Variants in TSHZ2 observed in about 807,000 individuals in gnomAD.
TSHZ2 encodes teashirt homolog 2.
TSHZ2 carries 21 observed loss-of-function variants against 74.4 expected under a neutral mutation model. That is an observed-to-expected ratio of 0.28 (90% CI 0.20 to 0.41). The LOEUF (loss-of-function observed/expected upper bound fraction) is 0.41, where lower values mean the gene tolerates loss of function less well. Ranked by LOEUF, TSHZ2 falls within the 10% of genes least tolerant of loss-of-function variation. TSHZ2 has a pLI of 1.00. For missense variants in TSHZ2, 1,244 were observed against 1,293.5 expected, an observed-to-expected ratio of 0.96 and a Z score of 0.59; for synonymous variants, 540 against 515.3, an observed-to-expected ratio of 1.05 and a Z score of -0.65.
At chr20:53,241,383 A>G (rs1990066767) in intron 1 of TSHZ2, among the ~76,000 whole-genome samples, 1 of 152,194 alleles carries the variant, frequency 6.6e-6, no homozygotes, top group Non-Finnish European at 1.5e-5. Flanking sequence ...TTAAGAACTG[A>G]AATAGGTCAG....
In TSHZ2 at chr20:53,256,226, A is replaced by G. The variant is rs781729711; in HGVS notation, c.2768A>G (p.His923Arg). 1 of 1,613,590 alleles carries G rather than the reference A, an allele frequency of 6.2e-7. No individual in the cohort carries two copies. Among genetic ancestry groups the G allele is most frequent in the African/African-American group, 1.3e-5 (1 of 74,908 alleles). ...TTTCTGAAAAACATGGACAAAGGCC[A>G]CCCCATCTTTTATTGCAGTGACTGT... ...TKFLKNMDKG[H>R]PIFYCSDCAS... Residue 923 changes from histidine to arginine, a missense_variant, in exon 2 of 3, where the codon CAC (histidine) becomes CGC (arginine). His to Arg is a conservative substitution (Grantham distance 29). Transcript: ENST00000371497. The surrounding 1 kb of genome is among the most constrained non-coding windows in gnomAD (Gnocchi z 4.3).
chr20:53,330,471 T>A (rs1225640069), intron 2 of TSHZ2, among the ~76,000 whole-genome samples: 3 of 152,174 alleles, frequency 2.0e-5, no homozygotes, highest in African/African-American at 7.2e-5. Context: ...GAAAGAAACG[T>A]GAATACGGTT....
intron 2 of TSHZ2, chr20:53,461,325 T>C (rs1481353212): frequency 6.5e-6 from 1 of 153,182 alleles, no homozygotes; most frequent in Non-Finnish European, 1.5e-5. Flanking sequence ...GTCACCCTTT[T>C]CTTTGATTAG....
At chr20:53,372,380 G>C (rs1310597551) in intron 2 of TSHZ2, among the ~76,000 whole-genome samples, 1 of 152,158 alleles carries the variant, frequency 6.6e-6, no homozygotes, top group African/African-American at 2.4e-5. Flanking sequence ...GGGAGGCTGA[G>C]ATAGGAAAAT....
At chr20:53,049,366 C>T (rs1433092355) in intron 1 of TSHZ2, among the ~76,000 whole-genome samples, 1 of 152,042 alleles carries the variant, frequency 6.6e-6, no homozygotes, top group African/African-American at 2.4e-5. Flanking sequence ...GAATTCCTGC[C>T]CCCACCCCTC....
chr20:53,098,256 C>T (rs1241388019), intron 1 of TSHZ2, among the ~76,000 whole-genome samples: 11 of 152,042 alleles, frequency 7.2e-5, no homozygotes, highest in African/African-American at 7.3e-5. Flanking sequence ...CCAGCCTCAG[C>T]GATAATAATG....
intron 1 of TSHZ2, among the ~76,000 whole-genome samples, chr20:53,104,935 A>G (rs1986320937): frequency 6.6e-6 from 1 of 152,194 alleles, no homozygotes; most frequent in African/African-American, 2.4e-5. Context: ...GTTTTCTTCT[A>G]GGAGAAAGGA....
intron 2 of TSHZ2, among the ~76,000 whole-genome samples, chr20:53,353,729 C>T (rs558395089): frequency 1.6e-4 from 24 of 152,286 alleles, no homozygotes; most frequent in African/African-American, 5.8e-4. Flanking sequence ...TATTTTAAGA[C>T]TTTTCTGAAA....
intron 2 of TSHZ2, among the ~76,000 whole-genome samples, chr20:53,394,485 T>C (rs986296793): frequency 5.3e-5 from 8 of 152,162 alleles, no homozygotes; most frequent in African/African-American, 1.9e-4. Context: ...ACCAAATATC[T>C]GCTAAATATC....
At chr20:53,151,135 A>G (rs1987667494) in intron 1 of TSHZ2, among the ~76,000 whole-genome samples, 1 of 152,186 alleles carries the variant, frequency 6.6e-6, no homozygotes, top group African/African-American at 2.4e-5. Flanking sequence ...TGCATGCAGT[A>G]TGTTTTTTCT....
chr20:53,222,114 G>A (rs986079782), intron 1 of TSHZ2, among the ~76,000 whole-genome samples: 6 of 152,130 alleles, frequency 3.9e-5, no homozygotes, highest in East Asian at 1.9e-4. Context: ...ATAAAAAGAG[G>A]ATAGAGACCA....
chr20:53,354,046 T>C (rs1399306162), intron 2 of TSHZ2, among the ~76,000 whole-genome samples: 2 of 152,228 alleles, frequency 1.3e-5, no homozygotes, highest in Admixed American at 1.3e-4. Context: ...TTCAGTGTAA[T>C]GCCGTCGTAG....
intron 2 of TSHZ2, among the ~76,000 whole-genome samples, chr20:53,424,666 C>T (rs929911570): frequency 6.6e-6 from 1 of 152,056 alleles, no homozygotes; most frequent in Non-Finnish European, 1.5e-5. Context: ...GTCAACCCAT[C>T]ACCTAGGTAT....
chr20:53,002,470 C>CT (rs1317645591), intron 1 of TSHZ2, among the ~76,000 whole-genome samples: 3 of 152,064 alleles, frequency 2.0e-5, no homozygotes, highest in African/African-American at 4.8e-5. Context: ...TTCCATTACC[C>CT]TGAAAAATAA....
chr20:53,171,267 G>A (rs1409507485), intron 1 of TSHZ2, among the ~76,000 whole-genome samples: 1 of 152,178 alleles, frequency 6.6e-6, no homozygotes, highest in Non-Finnish European at 1.5e-5. Context: ...ATTTTGTACA[G>A]CACATTTGCT....
intron 1 of TSHZ2, among the ~76,000 whole-genome samples, chr20:53,215,748 A>T (rs1989421175): frequency 6.6e-6 from 1 of 151,674 alleles, no homozygotes; most frequent in Non-Finnish European, 1.5e-5. Flanking sequence ...CATGCCTGTA[A>T]TTCCAGCTAC....
chr20:53,467,480 A>G (rs1600663610), intron 2 of TSHZ2, among the ~76,000 whole-genome samples: 1 of 152,370 alleles, frequency 6.6e-6, no homozygotes, highest in Non-Finnish European at 1.5e-5. Context: ...AAATTATAAA[A>G]GAAATAATAG....
intron 1 of TSHZ2, among the ~76,000 whole-genome samples, chr20:53,005,167 T>C (rs1232321077): frequency 1.3e-5 from 2 of 151,840 alleles, no homozygotes; most frequent in African/African-American, 4.8e-5. Context: ...CAAAAAAAAT[T>C]AGCCAGGTGT....
chr20:53,355,281 C>T (rs1020621841), intron 2 of TSHZ2, among the ~76,000 whole-genome samples: 7 of 152,210 alleles, frequency 4.6e-5, no homozygotes, highest in South Asian at 2.1e-4. Context: ...GGCAGTATGG[C>T]CAAGAAAGTC....
Sources: gnomAD v4.1 joint callset for allele counts (sites outside exome capture counted in the v4.1 genomes callset) on GRCh38, gnomAD v4.1.1 for gene constraint, Gnocchi (gnomAD v3.1) non-coding constraint, MANE v1.5 for transcripts, NCBI Gene and HGNC (gene_info 2026-07-23, HGNC 2026-07-21) for gene names.